Variants in LINGO2 observed in about 807,000 individuals in gnomAD.
LINGO2 encodes leucine rich repeat and Ig domain containing 2, also known as leucine-rich repeat and immunoglobulin-like domain-containing nogo receptor-interacting protein 2.
A neutral mutation model predicts 30.6 loss-of-function variants in LINGO2; 14 were observed. That is an observed-to-expected ratio of 0.46 (90% CI 0.30 to 0.72). The LOEUF is 0.72. Among genes scored for constraint, LINGO2 ranks in the 30% least tolerant of loss-of-function variants. The pLI, the probability that LINGO2 is intolerant of heterozygous loss-of-function variation, is 0.07. For missense variants in LINGO2, 729 were observed against 751.7 expected, an observed-to-expected ratio of 0.97 and a Z score of 0.35; for synonymous variants, 317 against 288.5, an observed-to-expected ratio of 1.10 and a Z score of -1.00.
chr9:28,274,828 G>A (rs1823060517), intron 4 of LINGO2, among the ~76,000 whole-genome samples: 1 of 152,134 alleles, frequency 6.6e-6, no homozygotes, highest in Non-Finnish European at 1.5e-5. Context: ...CCTTTTCTCA[G>A]GGTGGGTCAT....
exon 6 of LINGO2, chr9:27,949,840 G>A (rs933298184): frequency 6.2e-7 from 1 of 1,614,068 alleles, no homozygotes; most frequent in Admixed American, 1.7e-5. Context: ...GAGAGGTTAA[G>A]GTGAGTCAGG....
the LINGO2 span, among the ~76,000 whole-genome samples, chr9:28,985,810 T>G: frequency 1.3e-5 from 2 of 152,038 alleles, no homozygotes; most frequent in East Asian, 3.9e-4. Flanking sequence ...TCCCAATCCC[T>G]AAGTTTTTTA....
chr9:27,967,649 GTCTA>G (rs1226641358), intron 5 of LINGO2, among the ~76,000 whole-genome samples: 7 of 152,028 alleles, frequency 4.6e-5, no homozygotes, highest in Non-Finnish European at 8.8e-5. Context: ...ATGACCTATT[GTCTA>G]TCTATCTATT....
At chr9:29,096,670 C>G in the LINGO2 span, among the ~76,000 whole-genome samples, 2 of 140,186 alleles carry the variant, frequency 1.4e-5, no homozygotes, top group African/African-American at 5.4e-5. Context: ...TAGATCCTGC[C>G]AGAAAAAGGC....
At chr9:29,080,402 T>C in the LINGO2 span, among the ~76,000 whole-genome samples, 46 of 151,786 alleles carry the variant, frequency 3.0e-4, no homozygotes, top group African/African-American at 1.1e-3. Context: ...AGCTCCTGGA[T>C]TCATTGATTT....
At chr9:28,622,317 G>T (rs1473879279) in intron 1 of LINGO2, among the ~76,000 whole-genome samples, 1 of 151,818 alleles carries the variant, frequency 6.6e-6, no homozygotes, top group East Asian at 1.9e-4. Flanking sequence ...ACCCTCCCCA[G>T]CCTCTGGTAA....
chr9:28,470,891 T>C (rs1038037096), intron 2 of LINGO2, among the ~76,000 whole-genome samples: 12 of 148,318 alleles, frequency 8.1e-5, no homozygotes, highest in African/African-American at 2.9e-4. Flanking sequence ...ATATATAATA[T>C]AGTACATATA....
At chr9:28,331,935 TTA>T in intron 3 of LINGO2, among the ~76,000 whole-genome samples, 1 of 152,200 alleles carries the variant, frequency 6.6e-6, no homozygotes, top group Non-Finnish European at 1.5e-5. Flanking sequence ...ACATCTCTTA[TTA>T]AAGAGTCTTT....
chr9:28,907,295 G>A, the LINGO2 span, among the ~76,000 whole-genome samples: 1 of 151,960 alleles, frequency 6.6e-6, no homozygotes, highest in African/African-American at 2.4e-5. Context: ...ATTGATTTGT[G>A]CCTATGAGAA....
At chr9:28,892,883 T>C in the LINGO2 span, among the ~76,000 whole-genome samples, 1 of 152,016 alleles carries the variant, frequency 6.6e-6, no homozygotes. Flanking sequence ...AGAAAAAAGA[T>C]TTCTGTTGAA....
At chr9:28,137,066 A>C (rs1827537449) in intron 4 of LINGO2, among the ~76,000 whole-genome samples, 1 of 152,078 alleles carries the variant, frequency 6.6e-6, no homozygotes, top group South Asian at 2.1e-4. Context: ...ATCTGGCACT[A>C]TACCACTGGC....
In LINGO2 at chr9:27,981,580, A is replaced by T. The variant is rs10968250; in HGVS notation, c.-36+30775T>A. Among the ~76,000 whole-genome samples the T allele has an allele frequency of 7.9e-3, 1,161 of 146,694 alleles. 97 individuals carry two copies. The East Asian group carries it at 0.17, about 22-fold the overall frequency. On this transcript the variant is annotated intron_variant, in intron 5 of 5. Transcript: ENST00000379992. ...AAAAAGAAAAAAAAAGAAAAAAAAA[A>T]GAAAAAAAATTTCCTATACCAGCAG...
chr9:29,005,169 G>A, the LINGO2 span, among the ~76,000 whole-genome samples: 830 of 152,042 alleles, frequency 5.5e-3, 8 homozygotes, highest in African/African-American at 0.019. Context: ...GATTTCATGT[G>A]TCAAAGCACT....
At chr9:28,855,622 C>T in the LINGO2 span, among the ~76,000 whole-genome samples, 1 of 151,668 alleles carries the variant, frequency 6.6e-6, no homozygotes, top group Non-Finnish European at 1.5e-5. Context: ...GATACACATG[C>T]CAAAGAAAAT....
chr9:28,985,812 A>T, the LINGO2 span, among the ~76,000 whole-genome samples: 1 of 151,900 alleles, frequency 6.6e-6, no homozygotes, highest in Non-Finnish European at 1.5e-5. Flanking sequence ...CCAATCCCTA[A>T]GTTTTTTATT....
chr9:29,147,333 T>TA, the LINGO2 span, among the ~76,000 whole-genome samples: 7 of 152,084 alleles, frequency 4.6e-5, no homozygotes, highest in Non-Finnish European at 1.0e-4. Context: ...TCTTGTTTTG[T>TA]AAAAATGTTA....
intron 5 of LINGO2, among the ~76,000 whole-genome samples, chr9:27,983,409 G>A (rs1820975500): frequency 6.6e-6 from 1 of 151,798 alleles, no homozygotes; most frequent in Non-Finnish European, 1.5e-5. Context: ...GTAGGACACA[G>A]GGCATTGACC....
chr9:28,278,254 G>A (rs1453651360), intron 4 of LINGO2, among the ~76,000 whole-genome samples: 1 of 152,220 alleles, frequency 6.6e-6, no homozygotes, highest in Non-Finnish European at 1.5e-5. Flanking sequence ...AGATGAAGCA[G>A]CAAGGGCTAA....
At chr9:28,171,915 G>T (rs939870134) in intron 4 of LINGO2, among the ~76,000 whole-genome samples, 2 of 149,436 alleles carry the variant, frequency 1.3e-5, no homozygotes, top group Non-Finnish European at 3.0e-5. Context: ...CCAGCTACTT[G>T]GGAGGCTGAG....
Sources: allele counts gnomAD v4.1 joint callset (sites outside exome capture counted in the v4.1 genomes callset), GRCh38; gene constraint gnomAD v4.1.1; transcripts MANE v1.5; gene names NCBI Gene and HGNC (gene_info 2026-07-23, HGNC 2026-07-21).